Variants in CPB2 observed in about 807,000 individuals in gnomAD.
CPB2 encodes carboxypeptidase B-like protein.
In CPB2, 54 loss-of-function variants were observed where a neutral mutation model predicts 57.0. The observed-to-expected ratio is 0.95, with a 90% CI of 0.76 to 1.19. CPB2 has a LOEUF of 1.19. CPB2 is among the 50% of genes most tolerant of loss of function. CPB2 has a pLI of 0.00. For synonymous variants in CPB2, 189 were observed against 178.1 expected, an observed-to-expected ratio of 1.06 and a Z score of -0.49; for missense variants, 426 against 512.0, an observed-to-expected ratio of 0.83 and a Z score of 1.62.
intron 6 of CPB2, among the ~76,000 whole-genome samples, chr13:46,072,289 AG>A (rs2044954342): frequency 6.6e-6 from 1 of 152,324 alleles, no homozygotes; most frequent in Admixed American, 6.5e-5. Flanking sequence ...TGGGTGGTTT[AG>A]TTTTTGAATA....
At chr13:46,078,496 TG>T (rs2139384398) in intron 5 of CPB2, among the ~76,000 whole-genome samples, 1 of 152,260 alleles carries the variant, frequency 6.6e-6, no homozygotes, top group South Asian at 2.1e-4. Flanking sequence ...CCCTAGAGAC[TG>T]TATTTGGAGA....
chr13:46,076,018 T>C (rs867285129), intron 5 of CPB2, among the ~76,000 whole-genome samples: 15 of 152,192 alleles, frequency 9.9e-5, no homozygotes, highest in African/African-American at 3.6e-4. Context: ...GGGTGGAAAT[T>C]GGAGTAGAAA....
chr13:46,082,660 C>A, intron 3 of CPB2, 111 bp from the exon 4 acceptor site: 1 of 604,620 alleles, frequency 1.7e-6, no homozygotes, highest in Non-Finnish European at 3.0e-6. Flanking sequence ...CACTAAGAAA[C>A]TTCATAAGCA....
chr13:46,077,070 T>C (rs2045033172), intron 5 of CPB2, among the ~76,000 whole-genome samples: 1 of 151,656 alleles, frequency 6.6e-6, no homozygotes, highest in Non-Finnish European at 1.5e-5. Context: ...GAAGCAAAAA[T>C]AGATAAAGGG....
At chr13:46,065,104 G>A (rs112917173) in intron 7 of CPB2, among the ~76,000 whole-genome samples, 162 of 152,140 alleles carry the variant, frequency 1.1e-3, no homozygotes, top group African/African-American at 3.7e-3. Flanking sequence ...GAGCTCCTTC[G>A]AAGAAAAGCA....
At chr13:46,083,322 T>G (rs927628414) in intron 3 of CPB2, among the ~76,000 whole-genome samples, 1 of 152,204 alleles carries the variant, frequency 6.6e-6, no homozygotes, top group African/African-American at 2.4e-5. Context: ...ATCTATATAA[T>G]GGGGTTGCAT....
chr13:46,078,783 C>A lies in CPB2; in HGVS notation c.486+17G>T. 1 of 1,522,684 alleles carries A rather than the reference C, an allele frequency of 6.6e-7. No individual in the cohort carries two copies. The highest frequency in any genetic ancestry group is 9.1e-7 in the Non-Finnish European group (1 of 1,098,272). The allele number at this position is 1,522,684 out of a possible 1,614,324, so 94.3% of individuals were successfully genotyped here. ...TCCCCTCACAGTGAAAGATCAACAA[C>A]TTTCCCCACAACATACCTTTAAAAC... On this transcript the variant is annotated intron_variant, in intron 5 of 10. Coordinates refer to ENST00000181383, the MANE Select transcript of CPB2 (RefSeq NM_001872.5).
intron 2 of CPB2, among the ~76,000 whole-genome samples, chr13:46,084,948 T>C (rs1188649547): frequency 6.6e-6 from 1 of 151,936 alleles, no homozygotes; most frequent in Non-Finnish European, 1.5e-5. Context: ...CCTCCCGAGT[T>C]CTCGCCATTC....
intron 10 of CPB2, among the ~76,000 whole-genome samples, chr13:46,054,278 C>A (rs1281966634): frequency 6.6e-6 from 1 of 152,176 alleles, no homozygotes; most frequent in African/African-American, 2.4e-5. Flanking sequence ...TGTCCTTCCT[C>A]ATTTGTCTAC....
At chr13:46,069,760 G>A (rs1332731535) in intron 6 of CPB2, among the ~76,000 whole-genome samples, 1 of 152,066 alleles carries the variant, frequency 6.6e-6, no homozygotes, top group East Asian at 1.9e-4. Flanking sequence ...GGAAATTTGA[G>A]TTGTTTCCAC....
At chr13:46,082,597 T>A (rs780628557) in intron 3 of CPB2, 48 bp from the exon 4 acceptor site, 1 of 1,240,318 alleles carries the variant, frequency 8.1e-7, no homozygotes, top group East Asian at 2.3e-5. Context: ...AGAGGGTGGA[T>A]CTTCCCACAT....
chr13:46,066,098 T>C (rs1383213776), intron 7 of CPB2, among the ~76,000 whole-genome samples: 1 of 152,132 alleles, frequency 6.6e-6, no homozygotes, highest in Non-Finnish European at 1.5e-5. Flanking sequence ...CCATATCTTC[T>C]GCATAAATTA....
chr13:46,078,788 C>T lies in CPB2; in HGVS notation c.486+12G>A. The T allele has an allele frequency of 6.5e-7, 1 of 1,546,746 alleles. No individual in the cohort carries two copies. On this transcript the variant is annotated intron_variant, in intron 5 of 10. Coordinates refer to ENST00000181383, the MANE Select transcript of CPB2 (RefSeq NM_001872.5). ...TCACAGTGAAAGATCAACAACTTTC[C>T]CCACAACATACCTTTAAAACATAGA...
At chr13:46,078,085 T>C (rs2045051495) in intron 5 of CPB2, among the ~76,000 whole-genome samples, 1 of 152,126 alleles carries the variant, frequency 6.6e-6, no homozygotes, top group South Asian at 2.1e-4. Context: ...AAAGAAATGA[T>C]AAATGTTTGA....
At chr13:46,093,542 G>T (rs1186945919) in intron 1 of CPB2, among the ~76,000 whole-genome samples, 2 of 152,166 alleles carry the variant, frequency 1.3e-5, no homozygotes, top group African/African-American at 4.8e-5. Context: ...TAAAAAATGA[G>T]TTTGATTTAT....
At chr13:46,056,660 T>C (rs1271804488) in intron 9 of CPB2, among the ~76,000 whole-genome samples, 1 of 152,226 alleles carries the variant, frequency 6.6e-6, no homozygotes, top group Non-Finnish European at 1.5e-5. Flanking sequence ...CCTAATCTAC[T>C]TTCTGATGCT....
chr13:46,100,068 A>AGTATT (rs2045414829), intron 1 of CPB2: 1 of 152,068 alleles, frequency 6.6e-6, no homozygotes, highest in African/African-American at 2.4e-5. Flanking sequence ...TTGAGTGGGC[A>AGTATT]GTATTAAATT....
intron 1 of CPB2, among the ~76,000 whole-genome samples, chr13:46,101,520 G>A (rs567683969): frequency 6.6e-6 from 1 of 152,234 alleles, no homozygotes; most frequent in African/African-American, 2.4e-5. Context: ...CTTTCCATGC[G>A]AGAGCAGTGA....
chr13:46,060,098 C>G (rs1285560314), intron 8 of CPB2, among the ~76,000 whole-genome samples: 1 of 152,028 alleles, frequency 6.6e-6, no homozygotes, highest in Non-Finnish European at 1.5e-5. Flanking sequence ...ATCCTCAGAC[C>G]AGGGTTGTTT....
Sources: allele counts gnomAD v4.1 joint callset (sites outside exome capture counted in the v4.1 genomes callset), GRCh38; gene constraint gnomAD v4.1.1; transcripts MANE v1.5; gene names NCBI Gene and HGNC (gene_info 2026-07-23, HGNC 2026-07-21).